PRMT1: variants seen among roughly 807,000 people sequenced by gnomAD.
PRMT1 encodes the protein protein arginine methyltransferase 1.
Under a neutral mutation model 47.4 loss-of-function variants are expected in PRMT1, and 5 were observed. That is an observed-to-expected ratio of 0.11 (90% confidence interval 0.06 to 0.22). PRMT1 has a LOEUF of 0.22. PRMT1 is among the 10% of genes least tolerant of loss of function. The pLI is 1.00. For synonymous variants in PRMT1, 227 were observed against 204.6 expected, an observed-to-expected ratio of 1.11 and a Z score of -0.94; for missense variants, 249 against 518.4, an observed-to-expected ratio of 0.48 and a Z score of 5.05.
In PRMT1 at chr19:49,688,252, GCTC is replaced by G; in HGVS notation, c.*8_*10del. 6.2e-7 allele frequency: 1 copy of G among 1,613,430 alleles called. No individual in the cohort carries two copies. The highest frequency in any genetic ancestry group is 8.5e-7 in the Non-Finnish European group (1 of 1,179,740). ...CGACTACCGGATGCGCTGAGGCCCG[GCTC>G]TCCCGCCCTGCACGAGCCCAGGGGC... On this transcript the variant is annotated 3_prime_UTR_variant, in exon 11 of 11. Transcript: ENST00000454376. This position sits in a 1 kb window ranked among gnomAD's most constrained non-coding sequence, Gnocchi z 5.3.
Position 49,682,234 on chromosome 19 carries a change from C to G in PRMT1, c.387C>G (p.Ile129Met), listed in dbSNP as rs560604082. The part of the protein sequence containing the change: ...CSSISDYAVK[I>M]VKANKLDHVV... Reference sequence around the variant, plus strand: ...GTATCTCTGATTATGCGGTGAAGATCGTCAAAGCCAACAAGTTAGACCACG... The same window carrying G: ...GTATCTCTGATTATGCGGTGAAGATGGTCAAAGCCAACAAGTTAGACCACG... The change falls in exon 5 of 11, where the codon ATC becomes ATG. Residue 129 changes from isoleucine (I) to methionine (M), a missense_variant. This residue lies in a region of PRMT1 where 190 missense variants were observed against 456.7 expected (regional missense o/e 0.42). Transcript: ENST00000454376. 6.2e-7 allele frequency: 1 copy of G among 1,613,700 alleles called. No individual in the cohort carries two copies. The highest frequency in any genetic ancestry group is 8.5e-7 in the Non-Finnish European group (1 of 1,180,006).
chr19:49,680,676 C>G lies in PRMT1; in HGVS notation c.192+88C>G. On this transcript the variant is annotated intron_variant, in intron 3 of 10. Transcript: ENST00000454376. This position sits in a 1 kb window ranked among gnomAD's most constrained non-coding sequence, Gnocchi z 4.2. ...GAACCTGTTTTCCCACGCATGCGCA[C>G]TGCTTCCCCTGGCCGCAGGCCGCCC... is the stretch of plus-strand genomic sequence containing the variant. 9.3e-7 allele frequency: 1 copy of G among 1,077,924 alleles called. No homozygotes were observed. The highest frequency in any genetic ancestry group is 1.6e-5 in the African/African-American group (1 of 64,270). 66.8% of individuals were successfully genotyped at this position (1,077,924 alleles called of 1,614,324 possible).
At chr19:49,676,398 T>C (rs967955064), upstream of PRMT1, 4 of 152,276 alleles carry the variant, frequency 2.6e-5, no homozygotes, top group African/African-American at 9.6e-5. Context: ...GTGCCTAAGC[T>C]GTGCTCTGAT....
In PRMT1 at chr19:49,680,791, C is replaced by T. The variant is rs550682737; in HGVS notation, c.192+203C>T. ...TTAGCCTGAATCTCTGCAGGGGCCT[C>T]GCGCCGAAGGCTGGGGTGGGAGAGC... On this transcript the variant is annotated intron_variant, in intron 3 of 10. Coordinates refer to ENST00000454376, the MANE Select transcript of PRMT1 (RefSeq NM_001536.6). This position sits in a 1 kb window ranked among gnomAD's most constrained non-coding sequence, Gnocchi z 4.2. Among the ~76,000 whole-genome samples the T allele has an allele frequency of 3.3e-5, 5 of 152,354 alleles. No individual in the cohort carries two copies. In the South Asian group the frequency reaches 1.0e-3, roughly 32 times the overall value.
At chr19:49,678,017 C>A (rs917057917) in intron 1 of PRMT1, among the ~76,000 whole-genome samples, 1 of 152,114 alleles carries the variant, frequency 6.6e-6, no homozygotes, top group Non-Finnish European at 1.5e-5. Flanking sequence ...CCTGTGACCT[C>A]CCTCTGGGTG....
intron 10 of PRMT1, chr19:49,687,807 G>A: frequency 5.6e-6 from 2 of 359,770 alleles, no homozygotes; most frequent in East Asian, 1.1e-4. Context: ...GGACCATTGT[G>A]TTTCACTGGA....
In PRMT1 at chr19:49,685,595, C is replaced by G. The variant is rs1318131660; in HGVS notation, c.760-498C>G. 1 of 1,014,268 alleles carries G rather than the reference C, an allele frequency of 9.9e-7. No individual in the cohort carries two copies. Among genetic ancestry groups the G allele is most frequent in the Middle Eastern group, 5.0e-4 (1 of 1,996 alleles). The allele number at this position is 1,014,268 out of a possible 1,614,324, so 62.8% of individuals were successfully genotyped here. A position where few individuals can be genotyped will look rare whatever the true frequency, so the allele number is the denominator to read the frequency against. The stretch of plus-strand genomic sequence containing the variant: ...TATTTGTTGAGCTGGGATGTGTGAG[C>G]CGGGTGAAGCTGGGTGGCTGACCGG... On this transcript the variant is annotated intron_variant, in intron 8 of 10. Transcript: ENST00000454376. The surrounding 1 kb of genome is among the most constrained non-coding windows in gnomAD (Gnocchi z 4.7).
chr19:49,687,313 G>A (rs1255902000), intron 10 of PRMT1, among the ~76,000 whole-genome samples: 2 of 152,144 alleles, frequency 1.3e-5, no homozygotes, highest in Non-Finnish European at 2.9e-5. Context: ...CCAGTGTGGT[G>A]GGTCTGAGCA....
rs915688244 is a variant in PRMT1 at position 49,684,672 on chromosome 19, G to A, written c.556-82G>A. On this transcript the variant is annotated intron_variant, in intron 6 of 10. Transcript: ENST00000454376. This position sits in a 1 kb window ranked among gnomAD's most constrained non-coding sequence, Gnocchi z 6.2. ...CGACATGAGGGTGGCCCAGACCAGG[G>A]CAGGAGGCCACATCTTGGAGGCAAG... The A allele has an allele frequency of 2.8e-6, 4 of 1,441,550 alleles. No homozygotes were observed. The South Asian group carries it at 3.7e-5, about 13-fold the overall frequency. 89.3% of individuals were successfully genotyped at this position (1,441,550 alleles called of 1,614,324 possible).
chr19:49,688,226 C>T lies in PRMT1; in HGVS notation c.1097C>T (p.Thr366Ile), dbSNP rs188398414. The T allele has an allele frequency of 6.8e-6, 11 of 1,613,982 alleles. No homozygotes were observed. The highest frequency in any genetic ancestry group is 1.7e-5 in the Admixed American group (1 of 60,020). Reference sequence around the variant, plus strand: ...CAGCTGTGCGAGCTGTCCTGCTCCACCGACTACCGGATGCGCTGAGGCCCG... The same window carrying T: ...CAGCTGTGCGAGCTGTCCTGCTCCATCGACTACCGGATGCGCTGAGGCCCG... ...KGQLCELSCS[T>I]DYRMR is the part of the protein sequence containing the mutation. Residue 366 changes from threonine to isoleucine, a missense_variant, in exon 11 of 11, where the codon ACC becomes ATC. Thr to Ile is a moderately conservative substitution (Grantham distance 89). Transcript: ENST00000454376. The surrounding 1 kb of genome is among the most constrained non-coding windows in gnomAD (Gnocchi z 5.3).
At position 49,685,983 on chromosome 19, in the gene PRMT1, A is replaced by G. The variant is rs2082198737; in HGVS notation, c.760-110A>G. ...GGCTGGGTGCCAGTGAGGGAGGGCT[A>G]GCAGGAAGGGGACAGCGAGGTCACA... On this transcript the variant is annotated intron_variant, in intron 8 of 10. Coordinates refer to ENST00000454376, the MANE Select transcript of PRMT1 (RefSeq NM_001536.6). The surrounding 1 kb of genome is among the most constrained non-coding windows in gnomAD (Gnocchi z 4.7). The G allele has an allele frequency of 1.3e-6, 2 of 1,506,870 alleles. No individual in the cohort carries two copies. Among genetic ancestry groups the G allele is most frequent in the African/African-American group, 1.4e-5 (1 of 71,986 alleles). The allele number at this position is 1,506,870 out of a possible 1,614,324, so 93.3% of individuals were successfully genotyped here. A position where few individuals can be genotyped will look rare whatever the true frequency, so the allele number is the denominator to read the frequency against.
rs1330795125 is a variant in PRMT1, at chr19:49,681,049, A to G, written c.192+461A>G. ...TAAAATTGTGGCAAAATATGCATAA[A>G]ATTGCCATTTTTTATTTTTAGAGAC... is the stretch of plus-strand genomic sequence containing the variant. On this transcript the variant is annotated intron_variant, in intron 3 of 10. Coordinates refer to ENST00000454376, the MANE Select transcript of PRMT1 (RefSeq NM_001536.6). The surrounding 1 kb of genome is among the most constrained non-coding windows in gnomAD (Gnocchi z 4.4). Among the ~76,000 whole-genome samples, 1 of 152,156 alleles carries G rather than the reference A, an allele frequency of 6.6e-6. No individual in the cohort carries two copies. Among genetic ancestry groups the G allele is most frequent in the African/African-American group, 2.4e-5 (1 of 41,422 alleles).
intron 4 of PRMT1, 39 bp downstream of exon 4, chr19:49,682,104 G>A: frequency 1.2e-6 from 2 of 1,613,846 alleles, no homozygotes; most frequent in Non-Finnish European, 1.7e-6. Flanking sequence ...CGGGCCTGAG[G>A]GATGGAGGGG....
At chr19:49,682,848 C>T (rs937764079) in intron 5 of PRMT1, among the ~76,000 whole-genome samples, 7 of 143,236 alleles carry the variant, frequency 4.9e-5, no homozygotes, top group Admixed American at 2.9e-4. Flanking sequence ...GGCAGTGGCA[C>T]GATCTCAGCT....
In PRMT1 at chr19:49,683,636, T is replaced by C. The variant is rs527499665; in HGVS notation, c.413-291T>C. 2.7e-3 allele frequency: 726 copies of C among 269,192 alleles called. 4 individuals carry two copies. The highest frequency in any genetic ancestry group is 0.015 in the African/African-American group (600 of 39,420). 16.7% of individuals were successfully genotyped at this position (269,192 alleles called of 1,614,324 possible). ...CCGGGAGGCGGAGGTTGCAGTGAGC[T>C]GAGATCACGCCACTGCACTCCAGCC... On this transcript the variant is annotated intron_variant, in intron 5 of 10. Transcript: ENST00000454376.
At chr19:49,687,019 G>A (rs2082218000) in intron 10 of PRMT1, among the ~76,000 whole-genome samples, 1 of 152,200 alleles carries the variant, frequency 6.6e-6, no homozygotes, top group Non-Finnish European at 1.5e-5. Flanking sequence ...TAGACAAGGG[G>A]GTCAGTGACA....
chr19:49,687,691 AACGGAT>A (rs1412835132), intron 10 of PRMT1, among the ~76,000 whole-genome samples: 2 of 152,150 alleles, frequency 1.3e-5, no homozygotes, highest in East Asian at 3.9e-4. Flanking sequence ...CTAGCTGGGA[AACGGAT>A]ACTGGAGAGG....
chr19:49,676,179 T>A (rs1390206314), upstream of PRMT1: 1 of 152,196 alleles, frequency 6.6e-6, no homozygotes, highest in Non-Finnish European at 1.5e-5. Flanking sequence ...CTCAGGCGTT[T>A]GCCAGCGGCA....
chr19:49,677,050 G>A, upstream of PRMT1: 2 of 402,184 alleles, frequency 5.0e-6, no homozygotes, highest in Non-Finnish European at 4.4e-6. Flanking sequence ...GGGTCGACTT[G>A]AGGGGGCGGG....
Sources: allele counts gnomAD v4.1 joint callset (sites outside exome capture counted in the v4.1 genomes callset), GRCh38; gene constraint gnomAD v4.1.1; regional missense constraint gnomAD v4.1.1; non-coding constraint Gnocchi (gnomAD v3.1); transcripts MANE v1.5; gene names NCBI Gene and HGNC (gene_info 2026-07-23, HGNC 2026-07-21).